Variants in NTNG1 observed in about 807,000 individuals in gnomAD.
NTNG1 encodes netrin-G1.
A neutral mutation model predicts 54.0 loss-of-function variants in NTNG1; 16 were observed. The ratio of observed to expected loss-of-function variants is 0.30; its 90% CI spans 0.20 to 0.45. The LOEUF (loss-of-function observed/expected upper bound fraction) is 0.45, where lower values mean the gene tolerates loss of function less well. Ranked by LOEUF, NTNG1 falls within the 20% of genes least tolerant of loss-of-function variation. The pLI, the probability that NTNG1 is intolerant of heterozygous loss-of-function variation, is 1.00. For synonymous variants in NTNG1, 255 were observed against 263.1 expected (o/e 0.97, Z 0.30); for missense variants, 530 against 678.7 (o/e 0.78, Z 2.43).
chr1:107,259,053 G>A (rs1453751496), intron 2 of NTNG1, among the ~76,000 whole-genome samples: 1 of 152,162 alleles, frequency 6.6e-6, no homozygotes, highest in African/African-American at 2.4e-5. Context: ...AAATTTGATT[G>A]ATAATAGAGG....
intron 2 of NTNG1, among the ~76,000 whole-genome samples, chr1:107,198,674 C>T (rs1658515301): frequency 6.6e-6 from 1 of 151,764 alleles, no homozygotes; most frequent in Non-Finnish European, 1.5e-5. Context: ...CAAGTTTCTG[C>T]CTTTTGTTAG....
At chr1:107,303,150 A>G (rs1336061223) in intron 2 of NTNG1, among the ~76,000 whole-genome samples, 2 of 152,210 alleles carry the variant, frequency 1.3e-5, no homozygotes, top group Non-Finnish European at 2.9e-5. Flanking sequence ...ATAATCTCAT[A>G]TTTAAAATTC....
At chr1:107,201,168 C>A (rs1409400204) in intron 2 of NTNG1, among the ~76,000 whole-genome samples, 1 of 150,310 alleles carries the variant, frequency 6.7e-6, no homozygotes, top group Non-Finnish European at 1.5e-5. Flanking sequence ...TAAACTATTC[C>A]CTAATTCTCA....
intron 2 of NTNG1, among the ~76,000 whole-genome samples, chr1:107,322,775 A>AT (rs996865680): frequency 1.1e-4 from 16 of 152,058 alleles, no homozygotes; most frequent in African/African-American, 3.9e-4. Flanking sequence ...ATTATCACTG[A>AT]TTCCTTGAGT....
intron 7 of NTNG1, among the ~76,000 whole-genome samples, chr1:107,471,259 T>C (rs1677958883): frequency 1.3e-5 from 2 of 152,212 alleles, no homozygotes; most frequent in African/African-American, 2.4e-5. Flanking sequence ...CTCTGACCCT[T>C]GGGTTCATTA....
At chr1:107,160,912 T>C (rs1655353662) in intron 2 of NTNG1, among the ~76,000 whole-genome samples, 1 of 152,092 alleles carries the variant, frequency 6.6e-6, no homozygotes, top group Non-Finnish European at 1.5e-5. Context: ...ATGCATCCTC[T>C]GAATTTTTTA....
At chr1:107,303,435 G>T (rs1005813044) in intron 2 of NTNG1, among the ~76,000 whole-genome samples, 1 of 151,470 alleles carries the variant, frequency 6.6e-6, no homozygotes. Context: ...ACAAGTAAGA[G>T]TTTTTTTTTA....
intron 2 of NTNG1, among the ~76,000 whole-genome samples, chr1:107,164,164 A>G (rs1184910468): frequency 2.0e-5 from 3 of 152,226 alleles, no homozygotes; most frequent in Non-Finnish European, 4.4e-5. Context: ...ATTTCCTTCC[A>G]ATACATGTAG....
intron 2 of NTNG1, among the ~76,000 whole-genome samples, chr1:107,152,265 G>C (rs1654635345): frequency 6.6e-6 from 1 of 152,060 alleles, no homozygotes; most frequent in Non-Finnish European, 1.5e-5. Context: ...CATTTGAATA[G>C]ATCCTATCTT....
rs756607149 is a variant in NTNG1 at position 107,363,120 on chromosome 1, T to C, written c.888-32034T>C. The stretch of plus-strand genomic sequence containing the variant: ...AATCAAAGAATTACAGGCAGGTTTT[T>C]TCCTTGTGTTGTAAATATGAATTAG... On this transcript the variant is annotated intron_variant, in intron 3 of 7. Transcript: ENST00000370068. Among the ~76,000 whole-genome samples, 7 of 152,366 alleles carry C rather than the reference T, an allele frequency of 4.6e-5. No individual in the cohort carries two copies. The East Asian group carries it at 1.2e-3, about 25-fold the overall frequency.
intron 3 of NTNG1, among the ~76,000 whole-genome samples, chr1:107,380,555 A>G (rs1671580089): frequency 6.6e-6 from 1 of 152,246 alleles, no homozygotes; most frequent in African/African-American, 2.4e-5. Flanking sequence ...AGGAAAATGT[A>G]TTCTTATGAA....
chr1:107,325,937 G>T (rs1667926980), intron 3 of NTNG1, among the ~76,000 whole-genome samples: 1 of 152,068 alleles, frequency 6.6e-6, no homozygotes, highest in Admixed American at 6.6e-5. Context: ...AATTCAAACA[G>T]ATAAGGCAGG....
chr1:107,235,808 G>A (rs2101553999), intron 2 of NTNG1, among the ~76,000 whole-genome samples: 1 of 152,280 alleles, frequency 6.6e-6, no homozygotes, highest in African/African-American at 2.4e-5. Flanking sequence ...GAAGGATATT[G>A]GGAGATGGTG....
intron 2 of NTNG1, among the ~76,000 whole-genome samples, chr1:107,200,595 T>A (rs1200092837): frequency 6.6e-6 from 1 of 151,790 alleles, no homozygotes; most frequent in African/African-American, 2.4e-5. Flanking sequence ...TCACCGTCCT[T>A]TTAATACTCT....
intron 2 of NTNG1, among the ~76,000 whole-genome samples, chr1:107,318,546 CAA>C (rs1303334449): frequency 1.3e-5 from 2 of 150,136 alleles, no homozygotes; most frequent in African/African-American, 2.4e-5. Flanking sequence ...AAAAAAAAGA[CAA>C]AGAAATTTGT....
chr1:107,276,860 A>C (rs1664511225), intron 2 of NTNG1, among the ~76,000 whole-genome samples: 1 of 151,838 alleles, frequency 6.6e-6, no homozygotes, highest in African/African-American at 2.4e-5. Flanking sequence ...GAGATGGGAT[A>C]AACAGTCATT....
intron 3 of NTNG1, among the ~76,000 whole-genome samples, chr1:107,366,257 A>C (rs1387810527): frequency 1.3e-5 from 2 of 152,230 alleles, no homozygotes; most frequent in Non-Finnish European, 2.9e-5. Context: ...AGAAAAGAGC[A>C]CGACACCAGC....
intron 2 of NTNG1, among the ~76,000 whole-genome samples, chr1:107,251,351 ATTAATCTTTGTTTC>A (rs1294563597): frequency 6.6e-6 from 1 of 152,120 alleles, no homozygotes; most frequent in African/African-American, 2.4e-5. Flanking sequence ...CTCACATACA[ATTAATCTTTGTTTC>A]TCTACTTGTA....
chr1:107,297,845 A>G (rs771852120), intron 2 of NTNG1, among the ~76,000 whole-genome samples: 2 of 152,150 alleles, frequency 1.3e-5, no homozygotes, highest in Non-Finnish European at 2.9e-5. Flanking sequence ...TTTAGAAATT[A>G]CCTACTTTTT....
Sources: gnomAD v4.1 joint callset for allele counts (sites outside exome capture counted in the v4.1 genomes callset) on GRCh38, gnomAD v4.1.1 for gene constraint, MANE v1.5 for transcripts, NCBI Gene and HGNC (gene_info 2026-07-23, HGNC 2026-07-21) for gene names.